Variants in NAALADL2 observed in about 807,000 individuals in gnomAD.
NAALADL2 encodes the protein N-acetylated alpha-linked acidic dipeptidase like 2.
A neutral mutation model predicts 87.2 loss-of-function variants in NAALADL2; 76 were observed. The ratio of observed to expected loss-of-function variants is 0.87; its 90% CI spans 0.72 to 1.05. The LOEUF is 1.05. NAALADL2 is among the 50% of genes least tolerant of loss of function. The pLI is 0.00. For missense variants in NAALADL2, 1,089 were observed against 945.8 expected, an observed-to-expected ratio of 1.15 and a Z score of -1.99; for synonymous variants, 354 against 331.0, an observed-to-expected ratio of 1.07 and a Z score of -0.75.
In NAALADL2 at chr3:175,502,908, T is replaced by C. The variant is rs144063393; in HGVS notation, c.1653+31150T>C. ...AGTTTTTGTAAGAAGACAGGCTTTT[T>C]AATGAGATTTTTTTTCTCTTTTTTT... On this transcript the variant is annotated intron_variant, in intron 9 of 13. Coordinates refer to ENST00000454872, the MANE Select transcript of NAALADL2 (RefSeq NM_207015.3). Among the ~76,000 whole-genome samples the C allele has an allele frequency of 1.5e-3, 218 of 146,750 alleles. 3 individuals are homozygous for C. The highest frequency in any genetic ancestry group is 5.4e-3 in the African/African-American group (205 of 37,768).
At chr3:175,330,862 G>T (rs1761310939) in intron 5 of NAALADL2, among the ~76,000 whole-genome samples, 1 of 152,050 alleles carries the variant, frequency 6.6e-6, no homozygotes, top group African/African-American at 2.4e-5. Flanking sequence ...GCAATAAACA[G>T]AAAGTTGGCT....
At chr3:174,937,539 A>G (rs1183941888) in intron 1 of NAALADL2, among the ~76,000 whole-genome samples, 2 of 152,056 alleles carry the variant, frequency 1.3e-5, no homozygotes, top group East Asian at 3.9e-4. Context: ...TATTCTCTTC[A>G]TGGAGCTATT....
At chr3:174,622,636 T>G (rs775851454) in intron 2 of NAALADL2, among the ~76,000 whole-genome samples, 6 of 152,332 alleles carry the variant, frequency 3.9e-5, no homozygotes, top group African/African-American at 9.6e-5. Flanking sequence ...ACTGTATTAT[T>G]ATAACAAACT....
Position 174,979,425 on chromosome 3 carries a change from T to C in NAALADL2, c.44-117365T>C, listed in dbSNP as rs953953204. ...GGTTCACGCCATTCTCCTGCCTCAG[T>C]CTCCCAAGTAGCTGGGACTACAGGC... On this transcript the variant is annotated intron_variant, in intron 1 of 13. Coordinates refer to ENST00000454872, the MANE Select transcript of NAALADL2 (RefSeq NM_207015.3). Among the ~76,000 whole-genome samples the C allele has an allele frequency of 2.0e-5, 3 of 150,596 alleles. No individual in the cohort carries two copies. The Admixed American group carries it at 2.0e-4, about 10-fold the overall frequency.
intron 9 of NAALADL2, among the ~76,000 whole-genome samples, chr3:175,493,452 A>T (rs1441569053): frequency 1.3e-5 from 2 of 152,110 alleles, no homozygotes; most frequent in Non-Finnish European, 2.9e-5. Context: ...CATCTCTTAC[A>T]CATGTTAACT....
chr3:174,787,601 A>ACATATATATATATATATGTATATG (rs1346232794), intron 3 of NAALADL2, among the ~76,000 whole-genome samples: 1 of 91,208 alleles, frequency 1.1e-5, no homozygotes, highest in African/African-American at 3.9e-5. Flanking sequence ...ATATATATAT[A>ACATATATATATATATATGTATATG]TATATATATA....
chr3:174,801,204 C>G (rs538124225), intron 3 of NAALADL2, among the ~76,000 whole-genome samples: 1 of 152,272 alleles, frequency 6.6e-6, no homozygotes, highest in South Asian at 2.1e-4. Context: ...TGTCCCCACC[C>G]AAATCTCTTC....
chr3:175,613,249 A>T (rs2149678915), intron 10 of NAALADL2, among the ~76,000 whole-genome samples: 1 of 152,328 alleles, frequency 6.6e-6, no homozygotes, highest in East Asian at 1.9e-4. Flanking sequence ...TAATTCCTTT[A>T]CTAAACAGTC....
At position 174,549,856 on chromosome 3, in the gene NAALADL2, G is replaced by A. The variant is rs544732265; in HGVS notation, c.-183-713G>A. Among the ~76,000 whole-genome samples, 3 of 151,912 alleles carry A rather than the reference G, an allele frequency of 2.0e-5. No homozygotes were observed. The South Asian group carries it at 6.3e-4, about 32-fold the overall frequency. On this transcript the variant is annotated intron_variant, in intron 1 of 3. Coordinates refer to the NAALADL2 transcript ENST00000434257. The stretch of plus-strand genomic sequence containing the variant: ...ACCCAGCCTCTACTCAAACAGTTCC[G>A]GTGATGGGGAGCATTTATTCCATAA...
chr3:174,786,315 G>C (rs1716636088), intron 3 of NAALADL2, among the ~76,000 whole-genome samples: 1 of 151,796 alleles, frequency 6.6e-6, no homozygotes, highest in Non-Finnish European at 1.5e-5. Context: ...GCCGGGTGTG[G>C]TGGCATGCGC....
intron 3 of NAALADL2, among the ~76,000 whole-genome samples, chr3:174,806,091 A>T (rs950799202): frequency 6.6e-6 from 1 of 152,212 alleles, no homozygotes; most frequent in Non-Finnish European, 1.5e-5. Flanking sequence ...TGGATGATGA[A>T]TTAGTAATTA....
intron 1 of NAALADL2, among the ~76,000 whole-genome samples, chr3:175,045,851 G>T (rs890079878): frequency 1.3e-5 from 2 of 152,088 alleles, no homozygotes; most frequent in African/African-American, 4.8e-5. Flanking sequence ...GGCCTTCATT[G>T]TGGAGGAACA....
chr3:174,868,546 G>A (rs566205586), intron 1 of NAALADL2, among the ~76,000 whole-genome samples: 1 of 152,120 alleles, frequency 6.6e-6, no homozygotes, highest in African/African-American at 2.4e-5. Flanking sequence ...TAGTGATGAT[G>A]CGCTGAATTC....
intron 11 of NAALADL2, among the ~76,000 whole-genome samples, chr3:175,629,245 A>G (rs1206554689): frequency 1.3e-5 from 2 of 148,386 alleles, no homozygotes; most frequent in African/African-American, 4.9e-5. Flanking sequence ...ATAAACATAT[A>G]TGATATATTT....
intron 2 of NAALADL2, among the ~76,000 whole-genome samples, chr3:174,666,022 C>T (rs1725923265): frequency 1.3e-5 from 2 of 152,100 alleles, no homozygotes. Flanking sequence ...TTGATTACAC[C>T]TACAAAGACT....
At chr3:175,299,000 A>T (rs548873513) in intron 4 of NAALADL2, among the ~76,000 whole-genome samples, 1 of 152,188 alleles carries the variant, frequency 6.6e-6, no homozygotes, top group Non-Finnish European at 1.5e-5. Context: ...ATTCTTTCAA[A>T]GTAATGACAC....
chr3:174,701,147 A>G (rs1403843373), intron 2 of NAALADL2, among the ~76,000 whole-genome samples: 1 of 151,570 alleles, frequency 6.6e-6, no homozygotes, highest in African/African-American at 2.4e-5. Flanking sequence ...CATGTAATAT[A>G]TATTTATATT....
Position 175,447,367 on chromosome 3 carries a change from A to G in NAALADL2, c.1229A>G (p.Asn410Ser), listed in dbSNP as rs1368958425. The change falls in exon 6 of 14, where the codon AAT (asparagine) becomes AGT (serine). Residue 410 changes from asparagine to serine, a missense_variant. By Grantham distance (46) the Asn-to-Ser change is conservative. Coordinates refer to ENST00000454872, the MANE Select transcript of NAALADL2 (RefSeq NM_207015.3). ...GCGTGTAGCTCTCTAGAGCTTCCAA[A>G]TAATGGTAAAGTATTTAATGTCGTT... ...NEACSSLELP[N>S]NEIRVVSMQV... The G allele has an allele frequency of 2.6e-6, 4 of 1,558,848 alleles. No homozygotes were observed. Among genetic ancestry groups the G allele is most frequent in the Non-Finnish European group, 3.5e-6 (4 of 1,155,474 alleles).
chr3:175,485,464 G>A lies in NAALADL2; in HGVS notation c.1653+13706G>A, dbSNP rs143184585. On this transcript the variant is annotated intron_variant, in intron 9 of 13. Coordinates refer to ENST00000454872, the MANE Select transcript of NAALADL2 (RefSeq NM_207015.3). ...GAGCAAGGAAGCCAGTAGTGGCTCA[G>A]TGGGAGTCCCAAAACCTCAAAAGTA... is the stretch of plus-strand genomic sequence containing the variant. Among the ~76,000 whole-genome samples, 308 of 152,292 alleles carry A rather than the reference G, an allele frequency of 2.0e-3. 1 individual carries two copies. Among genetic ancestry groups the A allele is most frequent in the African/African-American group, 6.2e-3 (258 of 41,564 alleles).
Sources: allele counts gnomAD v4.1 joint callset (sites outside exome capture counted in the v4.1 genomes callset), GRCh38; gene constraint gnomAD v4.1.1; transcripts MANE v1.5; gene names NCBI Gene and HGNC (gene_info 2026-07-23, HGNC 2026-07-21).